The following GNG7 variants were observed in gnomAD, a reference collection of about 807,000 sequenced individuals.
GNG7 encodes G protein subunit gamma 7.
A neutral mutation model predicts 4.0 loss-of-function variants in GNG7; 1 was observed. That is an observed-to-expected ratio of 0.25 (90% CI 0.09 to 1.18). The LOEUF (loss-of-function observed/expected upper bound fraction) is 1.18, where lower values mean the gene tolerates loss of function less well. Among genes scored for constraint, GNG7 ranks in the 50% most tolerant of loss-of-function variants. The probability of loss-of-function intolerance (pLI) is 0.50; values close to 1 mark genes in which losing one functional copy is unlikely to be tolerated. For missense variants in GNG7, 86 were observed against 91.9 expected (o/e 0.94, Z 0.26); for synonymous variants, 34 against 36.9 (o/e 0.92, Z 0.29).
chr19:2,637,671 G>GCCTC (rs2144850201), intron 2 of GNG7, among the ~76,000 whole-genome samples: 1 of 152,322 alleles, frequency 6.6e-6, no homozygotes, highest in South Asian at 2.1e-4. Context: ...CTCTACTGGG[G>GCCTC]CCTCCCCTTG....
chr19:2,568,922 CATAT>C (rs1221556712), intron 2 of GNG7, among the ~76,000 whole-genome samples: 1 of 151,492 alleles, frequency 6.6e-6, no homozygotes, highest in Non-Finnish European at 1.5e-5. Context: ...CATATACATA[CATAT>C]ACAAATATAC....
chr19:2,538,459 G>GAAAA, intron 3 of GNG7: 4 of 126,902 alleles, frequency 3.2e-5, no homozygotes, highest in Non-Finnish European at 4.2e-5. Flanking sequence ...CCCCGTCTCT[G>GAAAA]CAAAAAAAAA....
intron 2 of GNG7, among the ~76,000 whole-genome samples, chr19:2,641,666 T>A (rs917726007): frequency 3.3e-5 from 5 of 151,970 alleles, no homozygotes; most frequent in Admixed American, 1.3e-4. Context: ...CTTTTTTTTT[T>A]ATTTTTTCTT....
chr19:2,518,247 C>A (rs1599369348), intron 4 of GNG7, among the ~76,000 whole-genome samples: 1 of 151,776 alleles, frequency 6.6e-6, no homozygotes, highest in Admixed American at 6.6e-5. Context: ...CCTGGCTCCC[C>A]CCGAGGCCCG....
At chr19:2,680,641 T>G (rs1202841370) in intron 1 of GNG7, among the ~76,000 whole-genome samples, 1 of 149,516 alleles carries the variant, frequency 6.7e-6, no homozygotes, top group Non-Finnish European at 1.5e-5. Context: ...AATGGTGAGA[T>G]CTCAGCCCAC....
intron 2 of GNG7, among the ~76,000 whole-genome samples, chr19:2,573,118 C>T (rs1384301898): frequency 6.6e-6 from 1 of 150,838 alleles, no homozygotes; most frequent in Admixed American, 6.6e-5. Context: ...CTCCGTCTCC[C>T]AGGTTCAAGC....
chr19:2,543,676 C>T (rs184656358), intron 3 of GNG7, among the ~76,000 whole-genome samples: 35 of 152,296 alleles, frequency 2.3e-4, no homozygotes, highest in Admixed American at 2.0e-3. Context: ...GCTCTCCTGA[C>T]GGCACAGGAA....
At chr19:2,602,350 A>T (rs527523371) in intron 2 of GNG7, among the ~76,000 whole-genome samples, 1 of 149,352 alleles carries the variant, frequency 6.7e-6, no homozygotes. Context: ...ACAACAACAG[A>T]AAAAGCAGCA....
chr19:2,663,300 A>G (rs1983224171), intron 1 of GNG7, among the ~76,000 whole-genome samples: 1 of 151,850 alleles, frequency 6.6e-6, no homozygotes, highest in South Asian at 2.1e-4. Context: ...TACCCTCATT[A>G]ATGCCATCTC....
chr19:2,664,584 A>G (rs1189707254), intron 1 of GNG7, among the ~76,000 whole-genome samples: 1 of 152,156 alleles, frequency 6.6e-6, no homozygotes, highest in East Asian at 1.9e-4. Context: ...AGGAACAATC[A>G]GACGGTTGGC....
intron 2 of GNG7, among the ~76,000 whole-genome samples, chr19:2,592,709 C>T (rs1036950872): frequency 4.2e-5 from 5 of 119,022 alleles, no homozygotes; most frequent in African/African-American, 1.6e-4. Flanking sequence ...TTCACTCCAG[C>T]CTGGGTGACA....
intron 3 of GNG7, among the ~76,000 whole-genome samples, chr19:2,544,117 G>A (rs777409476): frequency 1.3e-5 from 2 of 152,192 alleles, no homozygotes; most frequent in Admixed American, 1.3e-4. Context: ...GCCCTTCCCC[G>A]TGGAGGGATG....
At position 2,688,125 on chromosome 19, in the gene GNG7, T is replaced by C. The variant is rs11882891; in HGVS notation, c.-135+14521A>G. ...AAAATTAGCCGGGCATGGTGGCGGG[T>C]GCCTGTAGTCCCAGTTACTCGGGAG... On this transcript the variant is annotated intron_variant, in intron 1 of 4. Coordinates refer to ENST00000382159, the MANE Select transcript of GNG7 (RefSeq NM_052847.3). 8.1e-3 allele frequency among the ~76,000 whole-genome samples: 1,234 copies of C among 151,884 alleles called. 19 individuals carry two copies. The highest frequency in any genetic ancestry group is 0.028 in the African/African-American group (1,161 of 41,424).
chr19:2,534,898 C>T (rs1978689705), intron 3 of GNG7, among the ~76,000 whole-genome samples: 1 of 152,156 alleles, frequency 6.6e-6, no homozygotes, highest in Non-Finnish European at 1.5e-5. Context: ...CTATTGAGGG[C>T]TTTAACTGAT....
chr19:2,511,785 T>C lies in GNG7; in HGVS notation c.*3237A>G. ...CTTCCGCCCTGGCCCAGCCGCCCCG[T>C]TTATGTCCCCAGAGGCCAGAGGTCG... is the stretch of plus-strand genomic sequence containing the variant. On this transcript the variant is annotated 3_prime_UTR_variant, in exon 5 of 5. Coordinates refer to ENST00000382159, the MANE Select transcript of GNG7 (RefSeq NM_052847.3). This position sits in a 1 kb window ranked among gnomAD's most constrained non-coding sequence, Gnocchi z 6.3. 1 of 984,454 alleles carries C rather than the reference T, an allele frequency of 1.0e-6. No homozygotes were observed. The highest frequency in any genetic ancestry group is 1.2e-6 in the Non-Finnish European group (1 of 828,744). The allele number at this position is 984,454 out of a possible 1,614,324, so 61.0% of individuals were successfully genotyped here.
At chr19:2,553,700 CATTACATATAATAT>C (rs1979432698) in intron 3 of GNG7, among the ~76,000 whole-genome samples, 2 of 142,288 alleles carry the variant, frequency 1.4e-5, no homozygotes, top group South Asian at 4.2e-4. Flanking sequence ...CACATGTGCA[CATTACATATAATAT>C]ATTACATATA....
chr19:2,648,183 T>G lies in GNG7; in HGVS notation c.-134-1903A>C, dbSNP rs1487771768. ...ATGGGCTTCTTGGTGGTCACAAGTATATGGTCCAGCCTGGGCAACATAGCA... is the reference window on the plus strand; with the variant it reads ...ATGGGCTTCTTGGTGGTCACAAGTAGATGGTCCAGCCTGGGCAACATAGCA... On this transcript the variant is annotated intron_variant, in intron 1 of 4. Transcript: ENST00000382159. 3.3e-5 allele frequency among the ~76,000 whole-genome samples: 5 copies of G among 151,886 alleles called. No individual in the cohort carries two copies. The East Asian group carries it at 9.6e-4, about 29-fold the overall frequency.
intron 2 of GNG7, among the ~76,000 whole-genome samples, chr19:2,568,668 C>A (rs1303793979): frequency 6.8e-6 from 1 of 147,296 alleles, no homozygotes; most frequent in Non-Finnish European, 1.5e-5. Context: ...TACACATACA[C>A]ATACACATAT....
intron 2 of GNG7, among the ~76,000 whole-genome samples, chr19:2,591,748 T>C (rs543525400): frequency 6.6e-6 from 1 of 152,096 alleles, no homozygotes; most frequent in African/African-American, 2.4e-5. Flanking sequence ...CACCTACAAA[T>C]CAATAAGAAA....
Sources: allele counts gnomAD v4.1 joint callset (sites outside exome capture counted in the v4.1 genomes callset), GRCh38; gene constraint gnomAD v4.1.1; non-coding constraint Gnocchi (gnomAD v3.1); transcripts MANE v1.5; gene names NCBI Gene and HGNC (gene_info 2026-07-23, HGNC 2026-07-21).